EPHA6: variants seen among roughly 807,000 people sequenced by gnomAD.
EPHA6 encodes the protein EPH receptor A6, also known as ephrin type-A receptor 6.
In EPHA6, 50 loss-of-function variants were observed where a neutral mutation model predicts 112.0. The ratio of observed to expected loss-of-function variants is 0.45; its 90% CI spans 0.36 to 0.56. The LOEUF (loss-of-function observed/expected upper bound fraction) is 0.56, where lower values mean the gene tolerates loss of function less well. EPHA6 is among the 20% of genes least tolerant of loss of function. EPHA6 has a pLI of 0.00. For missense variants in EPHA6, 1,280 were observed against 1,417.4 expected (o/e 0.90, Z 1.56); for synonymous variants, 529 against 490.7 (o/e 1.08, Z -1.03).
chr3:97,183,584 G>C (rs2077046472), intron 3 of EPHA6, among the ~76,000 whole-genome samples: 1 of 151,914 alleles, frequency 6.6e-6, no homozygotes. Flanking sequence ...GTTTATTCTA[G>C]GTAGATTTTT....
At chr3:97,428,775 G>C (rs1286151570) in intron 6 of EPHA6, among the ~76,000 whole-genome samples, 1 of 152,116 alleles carries the variant, frequency 6.6e-6, no homozygotes, top group Non-Finnish European at 1.5e-5. Context: ...TTCTGCCTGA[G>C]ATCCGGGTAC....
intron 12 of EPHA6, among the ~76,000 whole-genome samples, chr3:97,598,138 A>AT (rs1004804695): frequency 1.3e-5 from 2 of 150,890 alleles, no homozygotes; most frequent in South Asian, 2.1e-4. Flanking sequence ...TTTATTTTTT[A>AT]TTTTTTTTAT....
At chr3:96,963,089 G>T (rs1376554801) in intron 2 of EPHA6, among the ~76,000 whole-genome samples, 1 of 150,400 alleles carries the variant, frequency 6.6e-6, no homozygotes, top group Non-Finnish European at 1.5e-5. Context: ...TTGAGCTCAG[G>T]ATGCGGAGGT....
intron 17 of EPHA6, 55 bp downstream of exon 17, chr3:97,747,627 T>C (rs2035772580): frequency 3.4e-6 from 5 of 1,457,858 alleles, no homozygotes; most frequent in South Asian, 1.6e-5. Flanking sequence ...GGATTATAAG[T>C]TCAAATGCTG....
rs1181404554 is a variant in EPHA6 at position 97,753,678 on chromosome 3, A to G, written c.*4977A>G. ...TTGTTCAAGCTTATTCACTTGTTCTAGTAAACATAATAATAGGTATGAACT... is the reference window on the plus strand; with the variant it reads ...TTGTTCAAGCTTATTCACTTGTTCTGGTAAACATAATAATAGGTATGAACT... On this transcript the variant is annotated 3_prime_UTR_variant, in exon 18 of 18. Transcript: ENST00000389672. Among the ~76,000 whole-genome samples, 1 of 152,208 alleles carries G rather than the reference A, an allele frequency of 6.6e-6. No homozygotes were observed. The highest frequency in any genetic ancestry group is 2.4e-5 in the African/African-American group (1 of 41,450).
In EPHA6 at chr3:97,754,994, C is replaced by T. The variant is rs965903397; in HGVS notation, c.*6293C>T. Among the ~76,000 whole-genome samples, 1 of 152,318 alleles carries T rather than the reference C, an allele frequency of 6.6e-6. No homozygotes were observed. Among genetic ancestry groups the T allele is most frequent in the Admixed American group, 6.5e-5 (1 of 15,292 alleles). On this transcript the variant is annotated 3_prime_UTR_variant, in exon 18 of 18. Transcript: ENST00000389672. Reference sequence around the variant, plus strand: ...GTGGGATTACAGGCGTGAGCCACCGCGCCCGGCCACAAAGTTTTCTTTTAA... The same window carrying T: ...GTGGGATTACAGGCGTGAGCCACCGTGCCCGGCCACAAAGTTTTCTTTTAA...
chr3:97,053,093 C>A (rs148940680), intron 3 of EPHA6, among the ~76,000 whole-genome samples: 1 of 151,912 alleles, frequency 6.6e-6, no homozygotes, highest in Non-Finnish European at 1.5e-5. Flanking sequence ...ATTAATTAAG[C>A]GACTTATATA....
At chr3:97,491,528 C>G (rs1426510269) in intron 10 of EPHA6, among the ~76,000 whole-genome samples, 2 of 152,106 alleles carry the variant, frequency 1.3e-5, no homozygotes, top group African/African-American at 4.8e-5. Context: ...TAGGAAGTTC[C>G]TCCCACTTTC....
rs191220808 is a variant in EPHA6 at position 97,639,326 on chromosome 3, A to T, written c.2784+1244A>T. 2.0e-5 allele frequency among the ~76,000 whole-genome samples: 3 copies of T among 152,094 alleles called. No homozygotes were observed. In the East Asian group the frequency reaches 5.8e-4, roughly 29 times the overall value. Reference sequence around the variant, plus strand: ...CCATTTTTAAATTGGAAAATATCATAATTATTTTCATTTTTCTCAAGGCCT... The same window carrying T: ...CCATTTTTAAATTGGAAAATATCATTATTATTTTCATTTTTCTCAAGGCCT... On this transcript the variant is annotated intron_variant, in intron 14 of 17. Transcript: ENST00000389672.
At chr3:96,999,238 AAAAGTTT>A (rs2043539406) in intron 3 of EPHA6, among the ~76,000 whole-genome samples, 2 of 151,816 alleles carry the variant, frequency 1.3e-5, no homozygotes, top group African/African-American at 4.8e-5. Context: ...TTTTTATTTG[AAAAGTTT>A]GTGATTATAC....
Position 97,332,093 on chromosome 3 carries a change from G to T in EPHA6, c.1607-73057G>T, listed in dbSNP as rs184777268. On this transcript the variant is annotated intron_variant, in intron 5 of 17. Transcript: ENST00000389672. ...TGGGCTTCATCCCTGGGATGCAAGGGTGGTTCAACATACACAAATCAATAA... is the reference window on the plus strand; with the variant it reads ...TGGGCTTCATCCCTGGGATGCAAGGTTGGTTCAACATACACAAATCAATAA... Among the ~76,000 whole-genome samples, 88 of 152,148 alleles carry T rather than the reference G, an allele frequency of 5.8e-4. No homozygotes were observed. The Middle Eastern group carries it at 0.014, about 24-fold the overall frequency.
chr3:96,900,796 T>C (rs1042471295), intron 2 of EPHA6, among the ~76,000 whole-genome samples: 1 of 152,212 alleles, frequency 6.6e-6, no homozygotes, highest in Non-Finnish European at 1.5e-5. Flanking sequence ...AAAGAATTGC[T>C]TGTTATGAGG....
intron 15 of EPHA6, among the ~76,000 whole-genome samples, chr3:97,730,203 T>C (rs1023226239): frequency 6.6e-6 from 1 of 152,104 alleles, no homozygotes; most frequent in African/African-American, 2.4e-5. Context: ...CATTGCCTTC[T>C]TTGATTCAGA....
chr3:97,663,694 A>G (rs912828795), intron 14 of EPHA6, among the ~76,000 whole-genome samples: 4 of 152,092 alleles, frequency 2.6e-5, no homozygotes, highest in Admixed American at 6.5e-5. Context: ...ATAGTATTCC[A>G]TGGTGTATAT....
chr3:97,710,314 C>A (rs1285442339), intron 14 of EPHA6, among the ~76,000 whole-genome samples: 1 of 152,184 alleles, frequency 6.6e-6, no homozygotes, highest in Non-Finnish European at 1.5e-5. Flanking sequence ...AGATGATAGT[C>A]AGAGCTAGCC....
chr3:97,534,918 T>C (rs1472655609), intron 11 of EPHA6, among the ~76,000 whole-genome samples: 3 of 152,078 alleles, frequency 2.0e-5, no homozygotes, highest in Admixed American at 1.3e-4. Flanking sequence ...GCATGAAACA[T>C]CTGGAAATGA....
chr3:97,528,723 C>G (rs1348011887), intron 10 of EPHA6, among the ~76,000 whole-genome samples: 2 of 152,094 alleles, frequency 1.3e-5, no homozygotes, highest in African/African-American at 4.8e-5. Flanking sequence ...GCTTCCCTCA[C>G]AGATTTAGTT....
intron 3 of EPHA6, among the ~76,000 whole-genome samples, chr3:97,022,083 T>C (rs1195464194): frequency 6.6e-6 from 1 of 152,190 alleles, no homozygotes; most frequent in African/African-American, 2.4e-5. Context: ...GTTGAATAAA[T>C]GTTTTCTTCT....
intron 3 of EPHA6, among the ~76,000 whole-genome samples, chr3:96,994,552 C>T (rs760951286): frequency 8.6e-5 from 13 of 151,602 alleles, no homozygotes; most frequent in South Asian, 2.1e-4. Context: ...TTTAGTTATA[C>T]GAGTTCTGAA....
Sources: gnomAD v4.1 joint callset for allele counts (sites outside exome capture counted in the v4.1 genomes callset) on GRCh38, gnomAD v4.1.1 for gene constraint, MANE v1.5 for transcripts, NCBI Gene and HGNC (gene_info 2026-07-23, HGNC 2026-07-21) for gene names.